Variants in TMEM132C observed in about 807,000 individuals in gnomAD.
The protein encoded by TMEM132C is transmembrane protein 132C.
Under a neutral mutation model 61.4 loss-of-function variants are expected in TMEM132C, and 29 were observed. The observed-to-expected ratio is 0.47, with a 90% CI of 0.35 to 0.64. The LOEUF (loss-of-function observed/expected upper bound fraction) is 0.64. Ranked by LOEUF, TMEM132C falls within the 30% of genes least tolerant of loss-of-function variation. The pLI is 0.00. For synonymous variants in TMEM132C, 656 were observed against 633.1 expected (o/e 1.04, Z -0.54); for missense variants, 1,408 against 1,476.9 (o/e 0.95, Z 0.76).
At chr12:128,305,932 G>A (rs1871760029) in intron 1 of TMEM132C, among the ~76,000 whole-genome samples, 1 of 152,128 alleles carries the variant, frequency 6.6e-6, no homozygotes, top group Non-Finnish European at 1.5e-5. Context: ...TTATTTTAGA[G>A]ATTATCTCAA....
intron 1 of TMEM132C, among the ~76,000 whole-genome samples, chr12:128,368,416 T>C (rs528502858): frequency 6.6e-6 from 1 of 152,348 alleles, no homozygotes; most frequent in South Asian, 2.1e-4. Flanking sequence ...GCACTTTACC[T>C]ACTTAAACTT....
rs1954840201 is a variant in TMEM132C, at chr12:128,706,255, A to T, written c.3287A>T (p.Glu1096Val). ...CQDVAVGAPK[E>V]LRNYLEKLKD... is the part of the protein sequence containing the mutation. ...GACGTGGCTGTGGGTGCCCCCAAGG[A>T]ACTTAGAAACTATCTGGAGAAACTC... The change falls in exon 9 of 9, where the codon GAA becomes GTA. Residue 1096 changes from glutamate to valine, a missense_variant. Coordinates refer to ENST00000435159, the MANE Select transcript of TMEM132C (RefSeq NM_001136103.3). 1 of 1,549,802 alleles carries T rather than the reference A, an allele frequency of 6.5e-7. No homozygotes were observed. The highest frequency in any genetic ancestry group is 2.4e-5 in the East Asian group (1 of 40,892).
chr12:128,371,148 T>G (rs1874017115), intron 1 of TMEM132C, among the ~76,000 whole-genome samples: 1 of 152,170 alleles, frequency 6.6e-6, no homozygotes, highest in Non-Finnish European at 1.5e-5. Flanking sequence ...AAGGGGTTTC[T>G]GGGGGCCAAG....
intron 1 of TMEM132C, among the ~76,000 whole-genome samples, chr12:128,318,492 G>A (rs1872223798): frequency 6.6e-6 from 1 of 152,146 alleles, no homozygotes; most frequent in South Asian, 2.1e-4. Flanking sequence ...AACAACAGGG[G>A]TCATTATGTG....
intron 2 of TMEM132C, among the ~76,000 whole-genome samples, chr12:128,541,282 A>G (rs566710051): frequency 1.3e-5 from 2 of 152,322 alleles, no homozygotes; most frequent in South Asian, 4.1e-4. Flanking sequence ...ACCACCTTCC[A>G]GGAACCTCCA....
intron 2 of TMEM132C, among the ~76,000 whole-genome samples, chr12:128,418,207 G>A (rs1299805869): frequency 1.3e-5 from 2 of 152,174 alleles, no homozygotes; most frequent in Non-Finnish European, 2.9e-5. Flanking sequence ...CCCCAAACAC[G>A]TGTGCAAATG....
At chr12:128,695,489 C>G (rs1380186028) in intron 6 of TMEM132C, among the ~76,000 whole-genome samples, 6 of 152,084 alleles carry the variant, frequency 3.9e-5, no homozygotes, top group Admixed American at 3.9e-4. Context: ...GACCACTGCA[C>G]TTTAGCCTGG....
At chr12:128,464,323 C>T (rs941000688) in intron 2 of TMEM132C, among the ~76,000 whole-genome samples, 2 of 152,224 alleles carry the variant, frequency 1.3e-5, no homozygotes, top group African/African-American at 4.8e-5. Context: ...GCATGCACTA[C>T]AGTTGGCCCT....
chr12:128,478,716 G>A (rs112650106), intron 2 of TMEM132C, among the ~76,000 whole-genome samples: 180 of 152,278 alleles, frequency 1.2e-3, no homozygotes, highest in African/African-American at 4.1e-3. Flanking sequence ...TACAGCAAAG[G>A]CACGTAAGCC....
chr12:128,372,655 TTAAG>T (rs1874063694), intron 1 of TMEM132C, among the ~76,000 whole-genome samples: 2 of 151,982 alleles, frequency 1.3e-5, no homozygotes, highest in Admixed American at 6.6e-5. Context: ...TATTCCTAGA[TTAAG>T]TAAGTTAACA....
intron 2 of TMEM132C, among the ~76,000 whole-genome samples, chr12:128,470,262 G>T (rs577955559): frequency 1.3e-5 from 2 of 152,244 alleles, no homozygotes; most frequent in East Asian, 3.9e-4. Context: ...ATCCTGTCTT[G>T]CTTATGATGG....
chr12:128,572,457 T>C (rs1482509767), intron 3 of TMEM132C, among the ~76,000 whole-genome samples: 1 of 152,034 alleles, frequency 6.6e-6, no homozygotes, highest in Non-Finnish European at 1.5e-5. Context: ...GCATGACCAC[T>C]GTGGCCTCTG....
At chr12:128,551,209 G>GCCCCCCCCCCCCCCCCCCCC (rs377410290) in intron 3 of TMEM132C, among the ~76,000 whole-genome samples, 1 of 147,118 alleles carries the variant, frequency 6.8e-6, no homozygotes, top group African/African-American at 2.7e-5. Flanking sequence ...AAACATAAGA[G>GCCCCCCCCCCCCCCCCCCCC]CCCCCCCCCT....
chr12:128,608,167 A>G (rs1345578211), intron 3 of TMEM132C, among the ~76,000 whole-genome samples: 1 of 152,202 alleles, frequency 6.6e-6, no homozygotes, highest in Non-Finnish European at 1.5e-5. Flanking sequence ...TAGTTGTAGC[A>G]ATGCTAAGAG....
chr12:128,539,094 A>G (rs1393585832), intron 2 of TMEM132C, among the ~76,000 whole-genome samples: 1 of 152,014 alleles, frequency 6.6e-6, no homozygotes, highest in African/African-American at 2.4e-5. Flanking sequence ...TATTAAGAAA[A>G]TTTTCGTTTC....
chr12:128,557,651 A>G (rs777974714), intron 3 of TMEM132C, among the ~76,000 whole-genome samples: 1 of 152,166 alleles, frequency 6.6e-6, no homozygotes, highest in Non-Finnish European at 1.5e-5. Flanking sequence ...GTCTCAGAGA[A>G]CATATTCACA....
chr12:128,531,223 C>T (rs187265203), intron 2 of TMEM132C, among the ~76,000 whole-genome samples: 3 of 152,334 alleles, frequency 2.0e-5, no homozygotes, highest in African/African-American at 4.8e-5. Context: ...GGAAATCCTA[C>T]TGCTCTCTGA....
intron 1 of TMEM132C, among the ~76,000 whole-genome samples, chr12:128,406,035 G>A (rs1057214997): frequency 6.6e-6 from 1 of 152,216 alleles, no homozygotes; most frequent in African/African-American, 2.4e-5. Flanking sequence ...ATGCAAATGT[G>A]AGGCAAAGAA....
intron 1 of TMEM132C, among the ~76,000 whole-genome samples, chr12:128,394,784 A>G (rs745715109): frequency 6.6e-6 from 1 of 152,066 alleles, no homozygotes; most frequent in East Asian, 1.9e-4. Flanking sequence ...GGGATAGTAT[A>G]TATATCTGGT....
Sources: allele counts gnomAD v4.1 joint callset (sites outside exome capture counted in the v4.1 genomes callset), GRCh38; gene constraint gnomAD v4.1.1; transcripts MANE v1.5; gene names NCBI Gene and HGNC (gene_info 2026-07-23, HGNC 2026-07-21).